The following HS6ST2 variants were observed in gnomAD, a reference collection of about 807,000 sequenced individuals.
HS6ST2 encodes the protein heparan-sulfate 6-O-sulfotransferase 2.
A neutral mutation model predicts 33.0 loss-of-function variants in HS6ST2; 17 were observed. The observed-to-expected ratio is 0.52, with a 90% CI of 0.35 to 0.77. The LOEUF (loss-of-function observed/expected upper bound fraction) is 0.77, where lower values mean the gene tolerates loss of function less well. Among genes scored for constraint, HS6ST2 ranks in the 30% least tolerant of loss-of-function variants. HS6ST2 has a pLI of 0.01. For synonymous variants in HS6ST2, 248 were observed against 237.1 expected (o/e 1.05, Z -0.42); for missense variants, 519 against 551.7 (o/e 0.94, Z 0.59).
chrX:132,904,785 C>A (rs992004312), intron 2 of HS6ST2, among the ~76,000 whole-genome samples: 4 of 108,549 alleles, frequency 3.7e-5, no homozygotes. Context: ...ACATTGGCCT[C>A]CCAAAGTGCT....
chrX:132,705,746 G>A (rs1433761392), intron 3 of HS6ST2, among the ~76,000 whole-genome samples: 1 of 111,718 alleles, frequency 9.0e-6, no homozygotes, highest in Non-Finnish European at 1.9e-5. Context: ...GCCAGGATTG[G>A]ACCCGAGGTC....
chrX:132,744,417 G>A (rs1046433155), intron 2 of HS6ST2, among the ~76,000 whole-genome samples: 7 of 111,774 alleles, frequency 6.3e-5, no homozygotes, highest in African/African-American at 2.3e-4. Context: ...TGAGGAAGAA[G>A]ATTCACCCAT....
chrX:132,799,479 A>G (rs1176236038), intron 2 of HS6ST2, among the ~76,000 whole-genome samples: 7 of 108,719 alleles, frequency 6.4e-5, no homozygotes, highest in African/African-American at 1.7e-4. Flanking sequence ...GGCTTAATCA[A>G]TCCTCCAACC....
chrX:132,808,967 T>C (rs5975357), intron 2 of HS6ST2, among the ~76,000 whole-genome samples: 43,374 of 110,791 alleles, frequency 0.39, 6,736 homozygotes, highest in African/African-American at 0.57. Context: ...GAAGGTGGGA[T>C]CCTGGCATTC....
intron 3 of HS6ST2, among the ~76,000 whole-genome samples, chrX:132,698,724 A>G (rs1395393441): frequency 9.0e-6 from 1 of 111,520 alleles, no homozygotes; most frequent in Non-Finnish European, 1.9e-5. Flanking sequence ...AGGTTATTCC[A>G]AAGGCTACAT....
intron 2 of HS6ST2, among the ~76,000 whole-genome samples, chrX:132,849,969 T>A (rs1024332433): frequency 8.9e-6 from 1 of 112,031 alleles, no homozygotes. Flanking sequence ...CAAGATCACA[T>A]AGCATGAAAC....
At chrX:132,938,876 A>T (rs1418420496) in intron 2 of HS6ST2, among the ~76,000 whole-genome samples, 1 of 111,994 alleles carries the variant, frequency 8.9e-6, no homozygotes, top group East Asian at 2.8e-4. Flanking sequence ...GCTATAAAGG[A>T]ATGTCTGAGA....
chrX:132,823,701 CA>C (rs34640492), intron 2 of HS6ST2, among the ~76,000 whole-genome samples: 10,936 of 61,054 alleles, frequency 0.18, 699 homozygotes, highest in East Asian at 0.51. Flanking sequence ...ACTAAAAATA[CA>C]AAAAAAAAAA....
chrX:132,869,535 G>A lies in HS6ST2; in HGVS notation c.947+87273C>T, dbSNP rs780296782. Among the ~76,000 whole-genome samples the A allele has an allele frequency of 6.3e-5, 7 of 111,835 alleles. No individual in the cohort carries two copies. In the South Asian group the frequency reaches 1.9e-3, roughly 30 times the overall value. ...ATCCTCAATGAAATACTGGCAAACC[G>A]AATCCAGCAGCACATCAAAAAGCTT... is the stretch of plus-strand genomic sequence containing the variant. On this transcript the variant is annotated intron_variant, in intron 2 of 4. Coordinates refer to ENST00000370833, the MANE Select transcript of HS6ST2 (RefSeq NM_001394073.1).
At chrX:132,869,481 C>T (rs934011939) in intron 2 of HS6ST2, among the ~76,000 whole-genome samples, 6 of 111,764 alleles carry the variant, frequency 5.4e-5, no homozygotes, top group Non-Finnish European at 7.5e-5. Context: ...AATTTCAGGC[C>T]AATATCCTTT....
rs932972092 is a variant in HS6ST2, at chrX:132,628,102, C to CT, written c.*120dup. 24 of 543,744 alleles carry CT rather than the reference C, an allele frequency of 4.4e-5. No individual in the cohort carries two copies. Among genetic ancestry groups the CT allele is most frequent in the African/African-American group, 7.1e-5 (3 of 42,323 alleles). The allele number at this position is 543,744 out of a possible 1,213,427, so 44.8% of individuals were successfully genotyped here. A position where few individuals can be genotyped will look rare whatever the true frequency, so the allele number is the denominator to read the frequency against. ...GGCAACTGTAAAGGCAACATCTAAACTTTTTTTTAAAACTTCCCCAATGAA... is the reference window on the plus strand; with the variant it reads ...GGCAACTGTAAAGGCAACATCTAAACTTTTTTTTTAAAACTTCCCCAATGAA... On this transcript the variant is annotated 3_prime_UTR_variant, in exon 5 of 5. Coordinates refer to ENST00000370833, the MANE Select transcript of HS6ST2 (RefSeq NM_001394073.1).
At chrX:132,734,050 A>G (rs1184252483) in intron 2 of HS6ST2, among the ~76,000 whole-genome samples, 2 of 100,348 alleles carry the variant, frequency 2.0e-5, no homozygotes, top group African/African-American at 7.4e-5. Flanking sequence ...TTAACTACTA[A>G]TCCTCTGACT....
At chrX:132,936,540 T>A (rs1461720145) in intron 2 of HS6ST2, among the ~76,000 whole-genome samples, 2 of 112,218 alleles carry the variant, frequency 1.8e-5, no homozygotes, top group Non-Finnish European at 3.8e-5. Flanking sequence ...TATAGACCAA[T>A]GTCTCCTATG....
chrX:132,768,335 C>CAAAAAAAAAAAAA (rs771487342), intron 2 of HS6ST2, among the ~76,000 whole-genome samples: 1 of 46,342 alleles, frequency 2.2e-5, no homozygotes, highest in Non-Finnish European at 3.8e-5. Flanking sequence ...GACTCTGTCT[C>CAAAAAAAAAAAAA]AAAAAAAAAA....
chrX:132,746,148 G>A (rs781223549), intron 2 of HS6ST2, among the ~76,000 whole-genome samples: 1 of 111,246 alleles, frequency 9.0e-6, no homozygotes, highest in Non-Finnish European at 1.9e-5. Flanking sequence ...AAACCTGTAG[G>A]GCTTACTCCA....
chrX:132,757,829 G>A (rs764785078), intron 2 of HS6ST2, among the ~76,000 whole-genome samples: 2 of 111,810 alleles, frequency 1.8e-5, no homozygotes. Context: ...CATGTTTTGG[G>A]CTCATTTATA....
intron 2 of HS6ST2, among the ~76,000 whole-genome samples, chrX:132,818,165 AC>A (rs199671015): frequency 0.018 from 1,941 of 110,727 alleles, 15 homozygotes; most frequent in South Asian, 0.052. Context: ...GTGTGCCCCA[AC>A]CCCTAGTTAT....
At chrX:132,853,510 A>T (rs2065824924) in intron 2 of HS6ST2, among the ~76,000 whole-genome samples, 1 of 110,593 alleles carries the variant, frequency 9.0e-6, no homozygotes, top group African/African-American at 3.3e-5. Flanking sequence ...AGGCATTCAG[A>T]CAACAAGAAG....
intron 3 of HS6ST2, among the ~76,000 whole-genome samples, chrX:132,685,037 C>T (rs367611996): frequency 1.5e-4 from 17 of 111,380 alleles, no homozygotes; most frequent in African/African-American, 5.2e-4. Flanking sequence ...TATAGGTTAC[C>T]GAGGAGCACA....
Sources: gnomAD v4.1 joint callset for allele counts (sites outside exome capture counted in the v4.1 genomes callset) on GRCh38, gnomAD v4.1.1 for gene constraint, MANE v1.5 for transcripts, NCBI Gene and HGNC (gene_info 2026-07-23, HGNC 2026-07-21) for gene names.